ARL6IP6: variants seen among roughly 807,000 people sequenced by gnomAD.
ARL6IP6 encodes the protein ARF like GTPase 6 interacting protein 6.
A neutral mutation model predicts 21.5 loss-of-function variants in ARL6IP6; 22 were observed. The ratio of observed to expected loss-of-function variants is 1.02; its 90% CI spans 0.73 to 1.46. The LOEUF (loss-of-function observed/expected upper bound fraction) is 1.46. Among genes scored for constraint, ARL6IP6 ranks in the 40% most tolerant of loss-of-function variants. The pLI is 0.00. For synonymous variants in ARL6IP6, 164 were observed against 125.3 expected (o/e 1.31, Z -2.06); for missense variants, 388 against 299.8 (o/e 1.29, Z -2.17).
At chr2:152,746,001 C>CCTTTTTTTTTTT (rs1701026549) in intron 3 of ARL6IP6, among the ~76,000 whole-genome samples, 2 of 66,388 alleles carry the variant, frequency 3.0e-5, no homozygotes, top group South Asian at 1.0e-3. Flanking sequence ...TGCTTTGTAC[C>CCTTTTTTTTTTT]TTTTTTTTTT....
At chr2:152,717,708 G>A (rs1321289323), upstream of ARL6IP6, 10 of 1,381,610 alleles carry the variant, frequency 7.2e-6, no homozygotes, top group South Asian at 1.5e-5. Flanking sequence ...AACTTCCCCA[G>A]GGGAAGGGAA....
intron 3 of ARL6IP6, among the ~76,000 whole-genome samples, chr2:152,749,616 A>G (rs1173882333): frequency 6.6e-6 from 1 of 152,128 alleles, no homozygotes; most frequent in East Asian, 1.9e-4. Context: ...GGTAGATTCT[A>G]TTTTTGTTTC....
rs555281120 is a variant in ARL6IP6, at chr2:152,757,992, GA to G, written c.588-1753del. 2.3e-3 allele frequency among the ~76,000 whole-genome samples: 348 copies of G among 152,250 alleles called. 2 individuals are homozygous for G. Among genetic ancestry groups the G allele is most frequent in the African/African-American group, 7.9e-3 (328 of 41,562 alleles). On this transcript the variant is annotated intron_variant, in intron 3 of 3. Transcript: ENST00000326446. ...GTGAGGATCACAAACTACTAAAACA[GA>G]ACAATTAACTCTGGAAACCTTTTGA...
rs369932375 is a variant in ARL6IP6, at chr2:152,750,488, A to G, written c.588-9259A>G. Among the ~76,000 whole-genome samples, 1,405 of 149,996 alleles carry G rather than the reference A, an allele frequency of 9.4e-3. 22 individuals carry two copies. Among genetic ancestry groups the G allele is most frequent in the African/African-American group, 0.032 (1,313 of 40,436 alleles). ...AAGACTCTGTCCAAAAAAAAAAAAA[A>G]AGAGAGAGAGAGAGAGAAAGGAAGG... On this transcript the variant is annotated intron_variant, in intron 3 of 3. Coordinates refer to ENST00000326446, the MANE Select transcript of ARL6IP6 (RefSeq NM_152522.7).
At chr2:152,720,148 C>A in intron 1 of ARL6IP6, 1 of 325,870 alleles carries the variant, frequency 3.1e-6, no homozygotes, top group Non-Finnish European at 6.0e-6. Flanking sequence ...TTCTGTTTTG[C>A]TCGGAGACAT....
At chr2:152,750,035 A>G (rs1305439817) in intron 3 of ARL6IP6, among the ~76,000 whole-genome samples, 2 of 152,202 alleles carry the variant, frequency 1.3e-5, no homozygotes, top group African/African-American at 4.8e-5. Flanking sequence ...ACTCTTTGGG[A>G]CTAAAATATT....
rs544421451 is a variant in ARL6IP6 at position 152,760,116 on chromosome 2, G to T, written c.*276G>T. On this transcript the variant is annotated 3_prime_UTR_variant, in exon 4 of 4. Transcript: ENST00000326446. ...TCATCTTTTTACTTTTGTGTGTGTA[G>T]TTCTTTCAAGTTGTAGGAAACATTT... is the stretch of plus-strand genomic sequence containing the variant. 4.1e-6 allele frequency: 1 copy of T among 245,494 alleles called. No homozygotes were observed. Among genetic ancestry groups the T allele is most frequent in the Non-Finnish European group, 7.9e-6 (1 of 127,334 alleles). The allele number at this position is 245,494 out of a possible 1,614,324, so 15.2% of individuals were successfully genotyped here.
intron 3 of ARL6IP6, among the ~76,000 whole-genome samples, chr2:152,746,283 TC>T (rs1332918109): frequency 6.6e-6 from 1 of 152,126 alleles, no homozygotes; most frequent in Non-Finnish European, 1.5e-5. Flanking sequence ...TGCCTCGGCC[TC>T]CCAAAGTGCT....
At chr2:152,754,982 A>G (rs1226137003) in intron 3 of ARL6IP6, among the ~76,000 whole-genome samples, 1 of 152,168 alleles carries the variant, frequency 6.6e-6, no homozygotes, top group Non-Finnish European at 1.5e-5. Flanking sequence ...TAGATCATAG[A>G]TGTGATTATA....
intron 3 of ARL6IP6, among the ~76,000 whole-genome samples, chr2:152,754,827 T>C (rs190764787): frequency 6.6e-6 from 1 of 152,332 alleles, no homozygotes; most frequent in African/African-American, 2.4e-5. Context: ...ACTAATGACA[T>C]TGAGCATCAT....
At chr2:152,750,703 C>A (rs1326928444) in intron 3 of ARL6IP6, among the ~76,000 whole-genome samples, 1 of 152,122 alleles carries the variant, frequency 6.6e-6, no homozygotes, top group Non-Finnish European at 1.5e-5. Flanking sequence ...TGGGTTAAAG[C>A]TTGTATCATT....
chr2:152,735,601 C>T (rs4664610), intron 3 of ARL6IP6, among the ~76,000 whole-genome samples: 48,874 of 152,000 alleles, frequency 0.32, 9,090 homozygotes, highest in East Asian at 0.71. Context: ...GGATGCTTTT[C>T]GTAGTGGAAC....
At chr2:152,746,821 C>CTTTTTTTTTTTTTTTTTTTTTTTT (rs61506535) in intron 3 of ARL6IP6, among the ~76,000 whole-genome samples, 2 of 33,080 alleles carry the variant, frequency 6.0e-5, no homozygotes, top group Admixed American at 3.6e-4. Context: ...TTTATCCTTT[C>CTTTTTTTTTTTTTTTTTTTTTTTT]TTTTTTTTTT....
upstream of ARL6IP6, chr2:152,717,686 G>A (rs2106636726): frequency 4.3e-6 from 6 of 1,405,138 alleles, no homozygotes; most frequent in Non-Finnish European, 5.6e-6. Flanking sequence ...CCTCCGTCGG[G>A]AAAACTCTAC....
chr2:152,727,722 C>T (rs1230317774), intron 2 of ARL6IP6, among the ~76,000 whole-genome samples: 2 of 151,324 alleles, frequency 1.3e-5, no homozygotes, highest in Non-Finnish European at 1.5e-5. Flanking sequence ...TAACATGCCG[C>T]ACAGGTCTGT....
intron 2 of ARL6IP6, among the ~76,000 whole-genome samples, chr2:152,725,664 A>C (rs1397209252): frequency 6.6e-6 from 1 of 151,918 alleles, no homozygotes; most frequent in Non-Finnish European, 1.5e-5. Flanking sequence ...AAAAAAAAGC[A>C]GGAATAATGA....
intron 2 of ARL6IP6, among the ~76,000 whole-genome samples, chr2:152,724,366 T>C (rs919580092): frequency 2.6e-5 from 4 of 152,212 alleles, no homozygotes; most frequent in Non-Finnish European, 5.9e-5. Flanking sequence ...TTGTGTGTTA[T>C]TTCCTCTAGT....
intron 1 of ARL6IP6, chr2:152,719,750 GAAAAAA>G (rs11328553): frequency 4.6e-4 from 118 of 255,108 alleles, no homozygotes; most frequent in South Asian, 1.2e-3. Context: ...CCAAGTTACT[GAAAAAA>G]AAAAAAAAAA....
chr2:152,748,599 G>A (rs1050959330), intron 3 of ARL6IP6, among the ~76,000 whole-genome samples: 3 of 152,262 alleles, frequency 2.0e-5, no homozygotes, highest in Non-Finnish European at 4.4e-5. Context: ...CTCCCTCTGA[G>A]CCAATCAGAC....
Sources: gnomAD v4.1 joint callset for allele counts (sites outside exome capture counted in the v4.1 genomes callset) on GRCh38, gnomAD v4.1.1 for gene constraint, MANE v1.5 for transcripts, NCBI Gene and HGNC (gene_info 2026-07-23, HGNC 2026-07-21) for gene names.